Variants in SLC24A2 observed in about 807,000 individuals in gnomAD.
SLC24A2 encodes solute carrier family 24 member 2.
Under a neutral mutation model 62.0 loss-of-function variants are expected in SLC24A2, and 36 were observed. That is an observed-to-expected ratio of 0.58 (90% CI 0.44 to 0.77). The LOEUF is 0.77. Among genes scored for constraint, SLC24A2 ranks in the 30% least tolerant of loss-of-function variants. SLC24A2 has a pLI of 0.00. For synonymous variants in SLC24A2, 358 were observed against 294.0 expected, an observed-to-expected ratio of 1.22 and a Z score of -2.23; for missense variants, 846 against 817.9, an observed-to-expected ratio of 1.03 and a Z score of -0.42.
At chr9:20,146,863 G>A in the SLC24A2 span, among the ~76,000 whole-genome samples, 2 of 152,018 alleles carry the variant, frequency 1.3e-5, no homozygotes, top group Non-Finnish European at 2.9e-5. Flanking sequence ...ATTTCTCAAT[G>A]TTCTTCTCTT....
the SLC24A2 span, among the ~76,000 whole-genome samples, chr9:20,176,143 G>A: frequency 6.6e-6 from 1 of 151,984 alleles, no homozygotes; most frequent in African/African-American, 2.4e-5. Context: ...AGGTTTTTCA[G>A]GTTTTTGGTC....
the SLC24A2 span, among the ~76,000 whole-genome samples, chr9:20,299,645 G>A: frequency 6.6e-6 from 1 of 152,160 alleles, no homozygotes; most frequent in South Asian, 2.1e-4. Context: ...AAGGACTCAA[G>A]GACAATCCTC....
At chr9:20,259,301 G>C in the SLC24A2 span, among the ~76,000 whole-genome samples, 1 of 152,080 alleles carries the variant, frequency 6.6e-6, no homozygotes, top group African/African-American at 2.4e-5. Flanking sequence ...CACAATTTGT[G>C]GTAATTTGTT....
At chr9:19,833,547 G>A in the SLC24A2 span, among the ~76,000 whole-genome samples, 11 of 152,348 alleles carry the variant, frequency 7.2e-5, no homozygotes, top group Middle Eastern at 3.4e-3. Context: ...CCGCCATTGC[G>A]CAGGCTTGAG....
the SLC24A2 span, among the ~76,000 whole-genome samples, chr9:20,287,590 A>G: frequency 1.3e-5 from 2 of 152,114 alleles, no homozygotes; most frequent in Admixed American, 1.3e-4. Flanking sequence ...TTTAACACCT[A>G]CTCTGTGTCA....
the SLC24A2 span, among the ~76,000 whole-genome samples, chr9:19,888,267 C>A: frequency 3.3e-5 from 5 of 152,074 alleles, no homozygotes; most frequent in Admixed American, 6.5e-5. Context: ...TCTTTTAAGT[C>A]CATTCCTAAG....
the SLC24A2 span, among the ~76,000 whole-genome samples, chr9:20,098,705 T>C: frequency 6.6e-6 from 1 of 152,226 alleles, no homozygotes. Context: ...GTTATAAGCC[T>C]GTATGCAAGT....
At chr9:19,865,560 A>G in the SLC24A2 span, among the ~76,000 whole-genome samples, 1 of 152,116 alleles carries the variant, frequency 6.6e-6, no homozygotes, top group Non-Finnish European at 1.5e-5. Flanking sequence ...CCTACAGTGA[A>G]CTCCTTTTTC....
At chr9:19,867,657 C>G in the SLC24A2 span, among the ~76,000 whole-genome samples, 1 of 152,144 alleles carries the variant, frequency 6.6e-6, no homozygotes, top group Non-Finnish European at 1.5e-5. Flanking sequence ...CGCCTGTAAT[C>G]CCAGCACTTT....
chr9:19,535,911 G>C (rs1201136378), intron 8 of SLC24A2, among the ~76,000 whole-genome samples: 1 of 151,036 alleles, frequency 6.6e-6, no homozygotes, highest in Non-Finnish European at 1.5e-5. Context: ...GGACAGCATT[G>C]AATCTATAAA....
chr9:20,016,203 A>G, the SLC24A2 span, among the ~76,000 whole-genome samples: 1 of 152,126 alleles, frequency 6.6e-6, no homozygotes, highest in African/African-American at 2.4e-5. Flanking sequence ...GGACCAAAAT[A>G]TTATTTTTTT....
chr9:19,514,740 G>T lies in SLC24A2; in HGVS notation c.*1413C>A, dbSNP rs192866696. ...ACAGAATCCCAGATAAGGTCTTGAT[G>T]GAAGAAGAGACATAGATGTTACAAG... is the stretch of plus-strand genomic sequence containing the variant. On this transcript the variant is annotated 3_prime_UTR_variant, in exon 11 of 11. Coordinates refer to ENST00000341998, the MANE Select transcript of SLC24A2 (RefSeq NM_020344.4). The T allele has an allele frequency of 7.9e-5, 12 of 152,286 alleles. No individual in the cohort carries two copies. The highest frequency in any genetic ancestry group is 7.9e-4 in the Admixed American group (12 of 15,286). 9.4% of individuals were successfully genotyped at this position (152,286 alleles called of 1,614,324 possible).
chr9:20,015,442 T>C, the SLC24A2 span, among the ~76,000 whole-genome samples: 1 of 152,314 alleles, frequency 6.6e-6, no homozygotes, highest in East Asian at 1.9e-4. Flanking sequence ...ATTGTTGAGT[T>C]GTGTAAAATC....
intron 7 of SLC24A2, among the ~76,000 whole-genome samples, chr9:19,555,694 C>T (rs1835056418): frequency 3.3e-5 from 5 of 152,136 alleles, no homozygotes; most frequent in Admixed American, 3.3e-4. Context: ...CCTGTAATCC[C>T]AGCACTTTGG....
chr9:19,885,629 C>A, the SLC24A2 span, among the ~76,000 whole-genome samples: 1 of 152,166 alleles, frequency 6.6e-6, no homozygotes, highest in Admixed American at 6.5e-5. Context: ...TTCAGGGGTA[C>A]ATGTACAGGG....
chr9:19,549,225 T>A (rs1776704444), intron 8 of SLC24A2, among the ~76,000 whole-genome samples: 1 of 152,248 alleles, frequency 6.6e-6, no homozygotes, highest in South Asian at 2.1e-4. Context: ...TGAGTAACCT[T>A]CCTGCTTCAG....
the SLC24A2 span, among the ~76,000 whole-genome samples, chr9:20,225,089 C>T: frequency 6.6e-6 from 1 of 152,130 alleles, no homozygotes. Flanking sequence ...CTCTTTCTTC[C>T]TTACAGGTTT....
the SLC24A2 span, among the ~76,000 whole-genome samples, chr9:20,125,226 A>G: frequency 6.6e-6 from 1 of 152,338 alleles, no homozygotes; most frequent in East Asian, 1.9e-4. Flanking sequence ...TAATACATAC[A>G]TAAAAGTAAT....
chr9:19,614,554 A>C (rs930886788), intron 4 of SLC24A2, among the ~76,000 whole-genome samples: 3 of 152,140 alleles, frequency 2.0e-5, no homozygotes, highest in Admixed American at 2.0e-4. Flanking sequence ...CCTCCCTTTG[A>C]GAAGTGAAGT....
Sources: gnomAD v4.1 joint callset for allele counts (sites outside exome capture counted in the v4.1 genomes callset) on GRCh38, gnomAD v4.1.1 for gene constraint, MANE v1.5 for transcripts, NCBI Gene and HGNC (gene_info 2026-07-23, HGNC 2026-07-21) for gene names.